Variants in CDC123 observed in about 807,000 individuals in gnomAD.
The protein encoded by CDC123 is translation initiation factor eIF2 assembly protein.
In CDC123, 37 loss-of-function variants were observed where a neutral mutation model predicts 54.4. The ratio of observed to expected loss-of-function variants is 0.68; its 90% CI spans 0.52 to 0.89. The LOEUF is 0.89. Ranked by LOEUF, CDC123 falls within the 40% of genes least tolerant of loss-of-function variation. The probability of loss-of-function intolerance (pLI) is 0.00; values close to 1 mark genes in which losing one functional copy is unlikely to be tolerated. For synonymous variants in CDC123, 144 were observed against 136.8 expected (o/e 1.05, Z -0.37); for missense variants, 361 against 412.1 (o/e 0.88, Z 1.07).
At position 12,233,043 on chromosome 10, in the gene CDC123, C is replaced by A. The variant is rs565656355; in HGVS notation, c.490-2005C>A. Reference sequence around the variant, plus strand: ...CAAAGTGCTGGGATTACAGGATTTCCTTAGCCTTTCTCTGAGGCACAGTCT... The same window carrying A: ...CAAAGTGCTGGGATTACAGGATTTCATTAGCCTTTCTCTGAGGCACAGTCT... On this transcript the variant is annotated intron_variant, in intron 7 of 12. Coordinates refer to ENST00000281141, the MANE Select transcript of CDC123 (RefSeq NM_006023.3). 2.0e-5 allele frequency among the ~76,000 whole-genome samples: 3 copies of A among 152,112 alleles called. No homozygotes were observed. The East Asian group carries it at 5.8e-4, about 29-fold the overall frequency.
intron 10 of CDC123, chr10:12,245,630 T>C (rs1036123311): frequency 6.6e-6 from 1 of 151,878 alleles, no homozygotes; most frequent in East Asian, 1.9e-4. Flanking sequence ...TAGGCAGAGC[T>C]TTACTGGGTC....
chr10:12,210,852 C>T (rs1015314797), intron 4 of CDC123, among the ~76,000 whole-genome samples: 2 of 152,154 alleles, frequency 1.3e-5, no homozygotes, highest in African/African-American at 4.8e-5. Context: ...AGTCACCTGA[C>T]ACCATGCCCG....
intron 10 of CDC123, among the ~76,000 whole-genome samples, chr10:12,240,866 T>G (rs902878378): frequency 6.6e-5 from 10 of 152,192 alleles, no homozygotes; most frequent in Non-Finnish European, 1.3e-4. Flanking sequence ...TTGTGTCTGG[T>G]CTTCTGCAGT....
intron 5 of CDC123, among the ~76,000 whole-genome samples, chr10:12,216,632 T>C (rs933040208): frequency 6.6e-6 from 1 of 152,222 alleles, no homozygotes; most frequent in African/African-American, 2.4e-5. Context: ...TCAAATATTT[T>C]AGTACTTTTC....
At chr10:12,235,408 G>A (rs569317074) in intron 8 of CDC123, among the ~76,000 whole-genome samples, 12 of 152,244 alleles carry the variant, frequency 7.9e-5, no homozygotes, top group African/African-American at 2.9e-4. Context: ...TTAGGAATCA[G>A]GAACTCTGTG....
chr10:12,197,381 A>AC (rs1835371578), intron 1 of CDC123, among the ~76,000 whole-genome samples: 1 of 150,500 alleles, frequency 6.6e-6, no homozygotes, highest in Non-Finnish European at 1.5e-5. Flanking sequence ...GAAGAACTAG[A>AC]TTTTTTTTTT....
chr10:12,211,618 G>T (rs1002845925), intron 4 of CDC123, among the ~76,000 whole-genome samples: 3 of 152,178 alleles, frequency 2.0e-5, no homozygotes, highest in African/African-American at 7.2e-5. Flanking sequence ...GATGAACAAA[G>T]ATGAATATGA....
rs377239970 is a variant in CDC123 at position 12,250,425 on chromosome 10, C to G, written c.*88C>G. 4 of 994,376 alleles carry G rather than the reference C, an allele frequency of 4.0e-6. No individual in the cohort carries two copies. Among genetic ancestry groups the G allele is most frequent in the South Asian group, 2.6e-5 (2 of 78,428 alleles). 61.6% of individuals were successfully genotyped at this position (994,376 alleles called of 1,614,324 possible). ...CCGCAACTTCCTGCCGACCCTGATG[C>G]GGGTGGGCCGAGCAGTGTGGACATC... On this transcript the variant is annotated 3_prime_UTR_variant, in exon 13 of 13. Coordinates refer to ENST00000281141, the MANE Select transcript of CDC123 (RefSeq NM_006023.3).
At chr10:12,230,604 T>C (rs542937138) in intron 6 of CDC123, among the ~76,000 whole-genome samples, 1 of 152,368 alleles carries the variant, frequency 6.6e-6, no homozygotes, top group Admixed American at 6.5e-5. Flanking sequence ...TTACAAATGA[T>C]CCAGTTACAC....
intron 6 of CDC123, among the ~76,000 whole-genome samples, chr10:12,229,967 G>A (rs1048042319): frequency 6.7e-6 from 1 of 148,532 alleles, no homozygotes; most frequent in East Asian, 2.0e-4. Context: ...GACAATGACA[G>A]TGCCTTCCTG....
Position 12,204,378 on chromosome 10 carries a change from T to C in CDC123, c.147-5589T>C, listed in dbSNP as rs77963688. Among the ~76,000 whole-genome samples, 415 of 152,326 alleles carry C rather than the reference T, an allele frequency of 2.7e-3. 5 individuals carry two copies. In the East Asian group the frequency reaches 0.057, roughly 21 times the overall value. On this transcript the variant is annotated intron_variant, in intron 2 of 12. Transcript: ENST00000281141. The stretch of plus-strand genomic sequence containing the variant: ...ATCTGAAATCTGTCCAGATGGGTGC[T>C]GAGATAGTGACATTTTTGCTTTCTG...
intron 9 of CDC123, 42 bp from the exon 10 acceptor site, chr10:12,238,415 A>T (rs1174664585): frequency 6.3e-7 from 1 of 1,583,996 alleles, no homozygotes; most frequent in Non-Finnish European, 8.6e-7. Context: ...TACATTGTGA[A>T]ATATTAGTTC....
intron 8 of CDC123, among the ~76,000 whole-genome samples, chr10:12,235,468 G>A (rs999493213): frequency 3.3e-5 from 5 of 152,268 alleles, no homozygotes; most frequent in South Asian, 2.1e-4. Flanking sequence ...TATTTCAAGC[G>A]TCATAAAAAG....
chr10:12,235,029 T>G lies in CDC123; in HGVS notation c.490-19T>G, dbSNP rs757381279. The G allele has an allele frequency of 6.2e-7, 1 of 1,604,098 alleles. No individual in the cohort carries two copies. Among genetic ancestry groups the G allele is most frequent in the Non-Finnish European group, 8.5e-7 (1 of 1,171,366 alleles). On this transcript the variant is annotated intron_variant, in intron 7 of 12. Coordinates refer to ENST00000281141, the MANE Select transcript of CDC123 (RefSeq NM_006023.3). ...CCACATAGGTGTGTTATATTAAATA[T>G]TTTTTCTTTTGTTTACAGCTCGTTC... is the stretch of plus-strand genomic sequence containing the variant.
intron 5 of CDC123, among the ~76,000 whole-genome samples, chr10:12,216,969 G>A (rs1835672345): frequency 6.6e-6 from 1 of 152,156 alleles, no homozygotes; most frequent in African/African-American, 2.4e-5. Context: ...CCCCAGAAAC[G>A]GGAAGAGTGG....
chr10:12,211,610 T>C (rs1037251636), intron 4 of CDC123, among the ~76,000 whole-genome samples: 1 of 152,180 alleles, frequency 6.6e-6, no homozygotes, highest in African/African-American at 2.4e-5. Context: ...TTCCGTGAGA[T>C]GAACAAAGAT....
rs1564262164 is a variant in CDC123, at chr10:12,249,562, C to T, written c.847-19C>T. The T allele has an allele frequency of 2.5e-6, 4 of 1,600,596 alleles. No individual in the cohort carries two copies. Among genetic ancestry groups the T allele is most frequent in the Admixed American group, 1.8e-5 (1 of 55,602 alleles). ...AAATAAATGATTGATATTCTTTCTC[C>T]TTTTTCTTCTTTGTACAGGATTCCC... On this transcript the variant is annotated intron_variant, in intron 11 of 12. Transcript: ENST00000281141.
intron 10 of CDC123, among the ~76,000 whole-genome samples, chr10:12,243,398 A>G (rs138652070): frequency 3.4e-5 from 5 of 147,574 alleles, no homozygotes; most frequent in Non-Finnish European, 7.5e-5. Context: ...AAAAAAAAAA[A>G]GGAAAAAATG....
chr10:12,226,938 C>T (rs182253934), intron 6 of CDC123, among the ~76,000 whole-genome samples: 2,711 of 151,740 alleles, frequency 0.018, 42 homozygotes, highest in Non-Finnish European at 0.029. Flanking sequence ...GAGCCGAGAT[C>T]ACACCACTGC....
Sources: gnomAD v4.1 joint callset for allele counts (sites outside exome capture counted in the v4.1 genomes callset) on GRCh38, gnomAD v4.1.1 for gene constraint, MANE v1.5 for transcripts, NCBI Gene and HGNC (gene_info 2026-07-23, HGNC 2026-07-21) for gene names.